The following CSNK1G3 variants were observed in gnomAD, a reference collection of about 807,000 sequenced individuals.
The protein encoded by CSNK1G3 is casein kinase I isoform gamma-3.
Under a neutral mutation model 64.3 loss-of-function variants are expected in CSNK1G3, and 23 were observed. The ratio of observed to expected loss-of-function variants is 0.36; its 90% CI spans 0.26 to 0.51. The LOEUF (loss-of-function observed/expected upper bound fraction) is 0.51, where lower values mean the gene tolerates loss of function less well. Among genes scored for constraint, CSNK1G3 ranks in the 20% least tolerant of loss-of-function variants. CSNK1G3 has a pLI of 0.96. For synonymous variants in CSNK1G3, 158 were observed against 162.2 expected, an observed-to-expected ratio of 0.97 and a Z score of 0.20; for missense variants, 357 against 510.5, an observed-to-expected ratio of 0.70 and a Z score of 2.90.
chr5:123,529,435 C>G (rs1286111912), intron 1 of CSNK1G3, among the ~76,000 whole-genome samples: 1 of 152,058 alleles, frequency 6.6e-6, no homozygotes, highest in Non-Finnish European at 1.5e-5. Flanking sequence ...AAATGTACTA[C>G]AGAAAGTTGT....
intron 9 of CSNK1G3, among the ~76,000 whole-genome samples, chr5:123,590,999 G>A (rs1046591342): frequency 6.6e-6 from 1 of 151,700 alleles, no homozygotes; most frequent in African/African-American, 2.4e-5. Context: ...GAAATGAGAG[G>A]CATAAACATA....
chr5:123,608,900 G>GA (rs1243195119), intron 12 of CSNK1G3, among the ~76,000 whole-genome samples: 1 of 152,136 alleles, frequency 6.6e-6, no homozygotes, highest in Non-Finnish European at 1.5e-5. Flanking sequence ...ATAGGAAAGG[G>GA]ATAATTTTTA....
intron 10 of CSNK1G3, chr5:123,595,087 C>G: frequency 3.7e-6 from 6 of 1,613,694 alleles, no homozygotes; most frequent in Non-Finnish European, 5.1e-6. Context: ...AAATCCCCAC[C>G]ATTTGAGAGC....
chr5:123,535,812 A>G (rs1419392018), intron 1 of CSNK1G3, among the ~76,000 whole-genome samples: 1 of 152,086 alleles, frequency 6.6e-6, no homozygotes, highest in African/African-American at 2.4e-5. Flanking sequence ...GACCCGTTCA[A>G]ATTTTGATGT....
exon 6 of CSNK1G3, chr5:123,575,844 A>G: frequency 6.2e-7 from 1 of 1,613,676 alleles, no homozygotes; most frequent in Non-Finnish European, 8.5e-7. Flanking sequence ...CACATTATAG[A>G]TTTTGGTTTG....
chr5:123,576,017 CTG>C lies in CSNK1G3; in HGVS notation c.673+57_673+58del, dbSNP rs1440139543. On this transcript the variant is annotated intron_variant, in intron 6 of 12. Transcript: ENST00000345990. Reference sequence around the variant, plus strand: ...TTTGAACTTAGCAGCTGTGCTAACACTGTGAGTTTTTATTTGTTATGGTTCAG... The same window carrying C: ...TTTGAACTTAGCAGCTGTGCTAACACTGAGTTTTTATTTGTTATGGTTCAG... The C allele has an allele frequency of 1.0e-5, 12 of 1,148,948 alleles. No homozygotes were observed. In the East Asian group the frequency reaches 2.9e-4, roughly 28 times the overall value. 71.2% of individuals were successfully genotyped at this position (1,148,948 alleles called of 1,614,324 possible).
chr5:123,545,769 G>T, exon 2 of CSNK1G3: 1 of 1,613,724 alleles, frequency 6.2e-7, no homozygotes, highest in African/African-American at 1.3e-5. Flanking sequence ...ATCGTCTGGA[G>T]TTTTAATGGT....
chr5:123,586,920 CAT>C (rs1791432607), intron 6 of CSNK1G3, among the ~76,000 whole-genome samples: 1 of 152,128 alleles, frequency 6.6e-6, no homozygotes, highest in Non-Finnish European at 1.5e-5. Context: ...AGTCACATCT[CAT>C]GTGGATGGTG....
At chr5:123,567,033 A>T (rs966424675) in intron 4 of CSNK1G3, among the ~76,000 whole-genome samples, 2 of 152,344 alleles carry the variant, frequency 1.3e-5, no homozygotes, top group South Asian at 2.1e-4. Context: ...TAACAGTTCC[A>T]TGTGGCTGGG....
At position 123,577,397 on chromosome 5, in the gene CSNK1G3, A is replaced by C. The variant is rs188906901; in HGVS notation, c.673+1434A>C. Among the ~76,000 whole-genome samples, 5 of 152,228 alleles carry C rather than the reference A, an allele frequency of 3.3e-5. No individual in the cohort carries two copies. The East Asian group carries it at 9.6e-4, about 29-fold the overall frequency. On this transcript the variant is annotated intron_variant, in intron 6 of 12. Coordinates refer to ENST00000345990, the Ensembl canonical transcript of CSNK1G3. ...CATACACACATAGAAATATGCCTAC[A>C]TATATACGTATGTATACACACACAC... is the stretch of plus-strand genomic sequence containing the variant.
intron 1 of CSNK1G3, among the ~76,000 whole-genome samples, chr5:123,543,082 TG>T (rs1490972767): frequency 6.6e-6 from 1 of 152,154 alleles, no homozygotes; most frequent in Non-Finnish European, 1.5e-5. Flanking sequence ...CATTTGATGC[TG>T]CTTTACATGT....
intron 10 of CSNK1G3, among the ~76,000 whole-genome samples, chr5:123,593,958 G>A (rs901082036): frequency 6.6e-6 from 1 of 152,042 alleles, no homozygotes. Flanking sequence ...AAAGAGTACT[G>A]AAGGCTTTAG....
chr5:123,522,719 A>G (rs191171658), intron 1 of CSNK1G3, among the ~76,000 whole-genome samples: 38 of 152,250 alleles, frequency 2.5e-4, no homozygotes, highest in African/African-American at 9.1e-4. Flanking sequence ...CATGTTTAGT[A>G]CAGATGCTTT....
chr5:123,551,821 G>T (rs970921656), intron 2 of CSNK1G3, among the ~76,000 whole-genome samples: 8 of 151,798 alleles, frequency 5.3e-5, no homozygotes, highest in Non-Finnish European at 1.0e-4. Flanking sequence ...TCATTGTTTT[G>T]TTTTCCTCAC....
intron 1 of CSNK1G3, among the ~76,000 whole-genome samples, chr5:123,523,251 A>G (rs78154385): frequency 0.24 from 37,213 of 151,998 alleles, 4,834 homozygotes; most frequent in Middle Eastern, 0.29. Context: ...TTTATTGCAT[A>G]TAGTTTATAT....
chr5:123,613,817 C>T (rs1748967019), intron 12 of CSNK1G3, among the ~76,000 whole-genome samples: 1 of 152,180 alleles, frequency 6.6e-6, no homozygotes, highest in East Asian at 1.9e-4. Flanking sequence ...ATAAGCTTGA[C>T]CTTCTTTAAC....
chr5:123,517,750 A>G (rs978207413), intron 1 of CSNK1G3, among the ~76,000 whole-genome samples: 2 of 152,250 alleles, frequency 1.3e-5, no homozygotes, highest in Non-Finnish European at 1.5e-5. Context: ...GTGAATGGAC[A>G]TTTTTGTTTT....
At chr5:123,606,895 A>G (rs1040486622) in intron 12 of CSNK1G3, among the ~76,000 whole-genome samples, 7 of 152,188 alleles carry the variant, frequency 4.6e-5, no homozygotes, top group African/African-American at 1.7e-4. Flanking sequence ...TTGCAGTTGT[A>G]CTAGTATATG....
intron 4 of CSNK1G3, among the ~76,000 whole-genome samples, chr5:123,565,569 T>A (rs1462021338): frequency 1.3e-5 from 2 of 152,230 alleles, no homozygotes; most frequent in African/African-American, 4.8e-5. Flanking sequence ...TTTGTTCTAA[T>A]TCTTCTTATT....
Sources: allele counts gnomAD v4.1 joint callset (sites outside exome capture counted in the v4.1 genomes callset), GRCh38; gene constraint gnomAD v4.1.1; transcripts MANE v1.5; gene names NCBI Gene and HGNC (gene_info 2026-07-23, HGNC 2026-07-21).